Variants in GRID2 observed in about 807,000 individuals in gnomAD.
GRID2 encodes the protein glutamate receptor ionotropic, delta-2.
In GRID2, 33 loss-of-function variants were observed where a neutral mutation model predicts 114.8. The ratio of observed to expected loss-of-function variants is 0.29; its 90% confidence interval spans 0.22 to 0.38. The LOEUF is 0.38. Among genes scored for constraint, GRID2 ranks in the 10% least tolerant of loss-of-function variants. The pLI, the probability that GRID2 is intolerant of heterozygous loss-of-function variation, is 1.00. For missense variants in GRID2, 1,184 were observed against 1,257.7 expected, an observed-to-expected ratio of 0.94 and a Z score of 0.89; for synonymous variants, 505 against 449.9, an observed-to-expected ratio of 1.12 and a Z score of -1.55.
At chr4:93,271,285 A>G (rs1751432552) in intron 8 of GRID2, among the ~76,000 whole-genome samples, 1 of 152,150 alleles carries the variant, frequency 6.6e-6, no homozygotes, top group Non-Finnish European at 1.5e-5. Flanking sequence ...TGTAATGAGA[A>G]CATCCATAAA....
chr4:93,699,158 T>G (rs1727293418), intron 14 of GRID2, among the ~76,000 whole-genome samples: 1 of 152,032 alleles, frequency 6.6e-6, no homozygotes, highest in South Asian at 2.1e-4. Context: ...GCAAAAAGCA[T>G]TTGAGAAATT....
At chr4:92,626,999 T>TA (rs1307071308) in intron 2 of GRID2, among the ~76,000 whole-genome samples, 2 of 151,720 alleles carry the variant, frequency 1.3e-5, no homozygotes, top group African/African-American at 4.8e-5. Context: ...AAATAGGAAA[T>TA]ATAATAACTA....
chr4:93,419,624 A>C (rs1320784617), intron 9 of GRID2, among the ~76,000 whole-genome samples: 3 of 152,074 alleles, frequency 2.0e-5, no homozygotes, highest in Non-Finnish European at 4.4e-5. Context: ...TAGGGCATAA[A>C]ATTTAAAAGG....
At chr4:92,625,212 T>G (rs1229299165) in intron 2 of GRID2, among the ~76,000 whole-genome samples, 1 of 151,838 alleles carries the variant, frequency 6.6e-6, no homozygotes, top group African/African-American at 2.4e-5. Flanking sequence ...TTTCTTTAAT[T>G]TAAAAGTTTT....
intron 14 of GRID2, among the ~76,000 whole-genome samples, chr4:93,664,520 A>G (rs553477219): frequency 1.3e-5 from 2 of 152,198 alleles, no homozygotes; most frequent in African/African-American, 2.4e-5. Context: ...GAATTTGCTA[A>G]CATGTTGGAT....
At chr4:93,230,497 T>C (rs1203268849) in intron 7 of GRID2, among the ~76,000 whole-genome samples, 1 of 152,186 alleles carries the variant, frequency 6.6e-6, no homozygotes, top group Non-Finnish European at 1.5e-5. Context: ...TGTTTTATTA[T>C]ATTATGTAAT....
At chr4:92,802,590 T>C (rs1237691928) in intron 2 of GRID2, among the ~76,000 whole-genome samples, 1 of 151,918 alleles carries the variant, frequency 6.6e-6, no homozygotes, top group Non-Finnish European at 1.5e-5. Flanking sequence ...CAATTCCAGT[T>C]ATTATACAAG....
At chr4:92,504,091 A>C (rs1037811674) in intron 1 of GRID2, among the ~76,000 whole-genome samples, 9 of 152,298 alleles carry the variant, frequency 5.9e-5, no homozygotes, top group African/African-American at 2.2e-4. Flanking sequence ...ACTTCATAGA[A>C]AAGAAAAATC....
chr4:92,624,903 G>GT (rs907292482), intron 2 of GRID2, among the ~76,000 whole-genome samples: 2 of 151,766 alleles, frequency 1.3e-5, no homozygotes, highest in Non-Finnish European at 3.0e-5. Context: ...GAAGAATTCA[G>GT]TTTGATAAAG....
intron 3 of GRID2, among the ~76,000 whole-genome samples, chr4:93,092,207 C>G (rs1370794105): frequency 2.0e-5 from 3 of 152,084 alleles, no homozygotes; most frequent in Non-Finnish European, 2.9e-5. Context: ...TCCTTGACTA[C>G]CAGGCCATTG....
Position 93,126,668 on chromosome 4 carries a change from G to A in GRID2, c.735+15715G>A, listed in dbSNP as rs1178941212. Reference sequence around the variant, plus strand: ...GCTGGAGTGCAGTGGCGCGATCTCGGCTCACTGCAAGCTCCGCCTCCCAGG... The same window carrying A: ...GCTGGAGTGCAGTGGCGCGATCTCGACTCACTGCAAGCTCCGCCTCCCAGG... On this transcript the variant is annotated intron_variant, in intron 4 of 15. Transcript: ENST00000282020. Among the ~76,000 whole-genome samples the A allele has an allele frequency of 2.3e-5, 3 of 130,898 alleles. No homozygotes were observed. The East Asian group carries it at 7.0e-4, about 31-fold the overall frequency. The allele number at this position is 130,898 out of a possible 152,430, so 85.9% of individuals were successfully genotyped here.
At chr4:92,942,857 G>T (rs1256707836) in intron 2 of GRID2, among the ~76,000 whole-genome samples, 3 of 152,130 alleles carry the variant, frequency 2.0e-5, no homozygotes, top group Non-Finnish European at 4.4e-5. Flanking sequence ...ATGAAATTCT[G>T]GGTTGAAAAT....
chr4:92,433,964 A>T (rs1024373505), intron 1 of GRID2, among the ~76,000 whole-genome samples: 1 of 152,262 alleles, frequency 6.6e-6, no homozygotes, highest in South Asian at 2.1e-4. Flanking sequence ...AATAATGCAT[A>T]TCATATACTT....
At chr4:92,623,357 G>T (rs1251990074) in intron 2 of GRID2, among the ~76,000 whole-genome samples, 3 of 149,468 alleles carry the variant, frequency 2.0e-5, no homozygotes, top group Non-Finnish European at 3.0e-5. Context: ...ACAAGGATAA[G>T]TAAGTACAAA....
intron 1 of GRID2, among the ~76,000 whole-genome samples, chr4:92,463,995 AT>A (rs1056224483): frequency 7.9e-5 from 12 of 150,974 alleles, no homozygotes; most frequent in Admixed American, 4.6e-4. Flanking sequence ...AAATGACTAT[AT>A]TTTCCCTCCC....
At chr4:92,861,236 T>C (rs1744510835) in intron 2 of GRID2, among the ~76,000 whole-genome samples, 1 of 152,020 alleles carries the variant, frequency 6.6e-6, no homozygotes, top group Non-Finnish European at 1.5e-5. Context: ...GTTCTGTGGG[T>C]CATAACTCAG....
chr4:92,947,279 G>A (rs76360836), intron 2 of GRID2, among the ~76,000 whole-genome samples: 2 of 151,948 alleles, frequency 1.3e-5, no homozygotes, highest in African/African-American at 4.8e-5. Flanking sequence ...GCATGCGTGT[G>A]TATTGTCTAC....
chr4:92,906,862 A>C (rs1747998303), intron 2 of GRID2, among the ~76,000 whole-genome samples: 1 of 152,096 alleles, frequency 6.6e-6, no homozygotes, highest in South Asian at 2.1e-4. Context: ...TCAATTTTAC[A>C]GTTTACTACT....
At chr4:93,437,633 T>A (rs936904274) in intron 10 of GRID2, among the ~76,000 whole-genome samples, 4 of 152,164 alleles carry the variant, frequency 2.6e-5, no homozygotes, top group African/African-American at 9.6e-5. Context: ...CAAACACCTG[T>A]GTCTTCTTTC....
Sources: gnomAD v4.1 joint callset for allele counts (sites outside exome capture counted in the v4.1 genomes callset) on GRCh38, gnomAD v4.1.1 for gene constraint, MANE v1.5 for transcripts, NCBI Gene and HGNC (gene_info 2026-07-23, HGNC 2026-07-21) for gene names.